ADGRE1: variants seen among roughly 807,000 people sequenced by gnomAD.
ADGRE1 encodes the protein EGF-like module receptor 1.
A neutral mutation model predicts 102.7 loss-of-function variants in ADGRE1; 82 were observed. That is an observed-to-expected ratio of 0.80 (90% CI 0.67 to 0.96). ADGRE1 has a LOEUF of 0.96. ADGRE1 is among the 40% of genes least tolerant of loss of function. ADGRE1 has a pLI of 0.00. For synonymous variants in ADGRE1, 398 were observed against 399.6 expected (o/e 1.00, Z 0.05); for missense variants, 1,032 against 1,085.3 (o/e 0.95, Z 0.69).
intron 17 of ADGRE1, among the ~76,000 whole-genome samples, chr19:6,932,739 T>A (rs748151115): frequency 6.6e-6 from 1 of 152,188 alleles, no homozygotes; most frequent in Non-Finnish European, 1.5e-5. Flanking sequence ...TTTTCCTGCC[T>A]GCTCGGCCCT....
intron 10 of ADGRE1, among the ~76,000 whole-genome samples, chr19:6,910,570 C>CTT (rs11303491): frequency 0.55 from 61,969 of 112,470 alleles, 19,473 homozygotes; most frequent in Non-Finnish European, 0.69. Context: ...TGTTCCAACT[C>CTT]TTTTTTTTTT....
chr19:6,932,187 G>T (rs1436891155), intron 17 of ADGRE1, among the ~76,000 whole-genome samples: 1 of 152,082 alleles, frequency 6.6e-6, no homozygotes, highest in East Asian at 1.9e-4. Flanking sequence ...TAAAATTCTG[G>T]GCCGGGCGTG....
At chr19:6,934,356 G>A (rs1255483298) in intron 17 of ADGRE1, among the ~76,000 whole-genome samples, 3 of 151,848 alleles carry the variant, frequency 2.0e-5, no homozygotes, top group African/African-American at 7.3e-5. Context: ...TTGCTGCATG[G>A]ATCATTCTTT....
rs150393622 is a variant in ADGRE1, at chr19:6,905,460, C to T, written c.950-973C>T. Reference sequence around the variant, plus strand: ...CTCCACCTCCCAGGTTCAAATGATTCTTCTGCCTCAGCCTGCCGAGTAGCT... The same window carrying T: ...CTCCACCTCCCAGGTTCAAATGATTTTTCTGCCTCAGCCTGCCGAGTAGCT... On this transcript the variant is annotated intron_variant, in intron 8 of 20. Coordinates refer to ENST00000312053, the MANE Select transcript of ADGRE1 (RefSeq NM_001974.5). Among the ~76,000 whole-genome samples the T allele has an allele frequency of 6.8e-3, 1,033 of 150,842 alleles. 11 individuals carry two copies. The highest frequency in any genetic ancestry group is 0.019 in the African/African-American group (778 of 41,052).
chr19:6,922,317 A>G (rs1974699567), intron 14 of ADGRE1, among the ~76,000 whole-genome samples: 1 of 152,098 alleles, frequency 6.6e-6, no homozygotes, highest in Non-Finnish European at 1.5e-5. Flanking sequence ...GAAATGCTGT[A>G]AGAATTCAGA....
At chr19:6,915,172 A>G (rs999898309) in intron 11 of ADGRE1, among the ~76,000 whole-genome samples, 1 of 151,868 alleles carries the variant, frequency 6.6e-6, no homozygotes, top group Non-Finnish European at 1.5e-5. Flanking sequence ...ATGCTTGTCT[A>G]GTTTTTAAAA....
At chr19:6,938,222 A>T (rs893562427) in intron 20 of ADGRE1, among the ~76,000 whole-genome samples, 2 of 152,090 alleles carry the variant, frequency 1.3e-5, no homozygotes, top group African/African-American at 2.4e-5. Flanking sequence ...CTGTAATCCC[A>T]GCTACTCATG....
At chr19:6,888,445 T>G (rs1374613746) in intron 1 of ADGRE1, among the ~76,000 whole-genome samples, 1 of 152,196 alleles carries the variant, frequency 6.6e-6, no homozygotes, top group Non-Finnish European at 1.5e-5. Context: ...TTTCTGGTTT[T>G]TCTTCTATGT....
intron 16 of ADGRE1, among the ~76,000 whole-genome samples, chr19:6,926,872 A>G (rs1974934892): frequency 6.6e-6 from 1 of 150,470 alleles, no homozygotes; most frequent in Non-Finnish European, 1.5e-5. Context: ...TCTTGCGTGT[A>G]TGACATGGGG....
chr19:6,898,736 C>T (rs1219061373), intron 5 of ADGRE1: 1 of 703,638 alleles, frequency 1.4e-6, no homozygotes. Flanking sequence ...TAAGGGTCAT[C>T]TCACTGGAAG....
At chr19:6,937,731 G>T in intron 20 of ADGRE1, 83 bp downstream of exon 20, 1 of 1,314,594 alleles carries the variant, frequency 7.6e-7, no homozygotes, top group Non-Finnish European at 1.1e-6. Flanking sequence ...CACGTGTTGG[G>T]TACTGAATGG....
intron 8 of ADGRE1, among the ~76,000 whole-genome samples, chr19:6,904,466 A>AAC (rs1227261139): frequency 6.6e-6 from 1 of 151,886 alleles, no homozygotes; most frequent in Non-Finnish European, 1.5e-5. Flanking sequence ...AAGGAGCCAG[A>AAC]ACACACACAC....
At chr19:6,904,216 T>C (rs1973869679) in intron 8 of ADGRE1, 34 bp downstream of exon 8, 5 of 1,607,102 alleles carry the variant, frequency 3.1e-6, no homozygotes, top group Admixed American at 3.4e-5. Flanking sequence ...GGCAATGGAA[T>C]CTGTTTCTGG....
intron 13 of ADGRE1, among the ~76,000 whole-genome samples, chr19:6,921,371 G>A (rs1163433322): frequency 1.3e-5 from 2 of 152,104 alleles, no homozygotes; most frequent in African/African-American, 4.8e-5. Context: ...GCAGCGAGCC[G>A]AGACTGCACC....
At chr19:6,936,135 A>G (rs1344018409) in intron 18 of ADGRE1, among the ~76,000 whole-genome samples, 1 of 152,184 alleles carries the variant, frequency 6.6e-6, no homozygotes, top group Non-Finnish European at 1.5e-5. Flanking sequence ...TTGAAAAGTT[A>G]GTACAAAAGT....
rs753936242 is a variant in ADGRE1, at chr19:6,904,070, T to G, written c.837T>G (p.Cys279Trp). 1 of 1,614,246 alleles carries G rather than the reference T, an allele frequency of 6.2e-7. No homozygotes were observed. Among genetic ancestry groups the G allele is most frequent in the Non-Finnish European group, 8.5e-7 (1 of 1,180,040 alleles). ...AGTGCCGCCAAGATCCATCAACCTGTGGTCCTAATTCTATCTGCACCAATG... is the reference window on the plus strand; with the variant it reads ...AGTGCCGCCAAGATCCATCAACCTGGGGTCCTAATTCTATCTGCACCAATG... ...IDECRQDPST[C>W]GPNSICTNAL... The change falls in exon 8 of 21, where the codon TGT (cysteine) becomes TGG (tryptophan). Residue 279 changes from cysteine (C) to tryptophan (W), a missense_variant. Cys to Trp is a radical substitution (Grantham distance 215). Transcript: ENST00000312053.
At chr19:6,929,438 TG>T (rs1452224555) in intron 17 of ADGRE1, among the ~76,000 whole-genome samples, 1 of 152,002 alleles carries the variant, frequency 6.6e-6, no homozygotes, top group Non-Finnish European at 1.5e-5. Flanking sequence ...ATTATGCAAA[TG>T]GGGTCTTTAC....
At position 6,908,706 on chromosome 19, in the gene ADGRE1, A is replaced by G. The variant is rs749426877; in HGVS notation, c.1056A>G (p.Gln352=). Residue 352 remains glutamine, a synonymous_variant, in exon 10 of 21, where the codon CAA becomes CAG. Transcript: ENST00000312053. ...GGACGCAGGTCTCCTTTTGTGCACA[A>G]ATAAATAACATCTTCAGCGTTCTGG... The part of the protein sequence containing the change: ...VKPAYVSFCA[Q]INNIFSVLDK... 5.0e-6 allele frequency: 8 copies of G among 1,603,180 alleles called. No homozygotes were observed. The highest frequency in any genetic ancestry group is 6.8e-6 in the Non-Finnish European group (8 of 1,177,164).
chr19:6,935,203 C>A, intron 18 of ADGRE1, 125 bp downstream of exon 18: 1 of 517,640 alleles, frequency 1.9e-6, no homozygotes, highest in Non-Finnish European at 3.2e-6. Flanking sequence ...GTCTGTTTAG[C>A]ATATCACACC....
Sources: allele counts gnomAD v4.1 joint callset (sites outside exome capture counted in the v4.1 genomes callset), GRCh38; gene constraint gnomAD v4.1.1; transcripts MANE v1.5; gene names NCBI Gene and HGNC (gene_info 2026-07-23, HGNC 2026-07-21).